The following C18orf63 variants were observed in gnomAD, a reference collection of about 807,000 sequenced individuals.
The protein encoded by C18orf63 is uncharacterized protein C18orf63.
A neutral mutation model predicts 75.3 loss-of-function variants in C18orf63; 50 were observed. The observed-to-expected ratio is 0.66, with a 90% CI of 0.53 to 0.84. The LOEUF is 0.84. Ranked by LOEUF, C18orf63 falls within the 40% of genes least tolerant of loss-of-function variation. The pLI, the probability that C18orf63 is intolerant of heterozygous loss-of-function variation, is 0.00. For synonymous variants in C18orf63, 232 were observed against 267.6 expected (o/e 0.87, Z 1.30); for missense variants, 732 against 800.2 (o/e 0.91, Z 1.03).
In C18orf63 at chr18:74,342,312, A is replaced by G; in HGVS notation, c.780A>G (p.Gly260=). The change falls in exon 10 of 14, where the codon GGA becomes GGG. Residue 260 remains glycine (G), a synonymous_variant. Coordinates refer to ENST00000579455, the MANE Select transcript of C18orf63 (RefSeq NM_001174123.2). Reference sequence around the variant, plus strand: ...GCAACATCTATTTCAAAATGCTCGGAGAAAGGACCTTCACATATCCTTTAC... The same window carrying G: ...GCAACATCTATTTCAAAATGCTCGGGGAAAGGACCTTCACATATCCTTTAC... ...IYCNIYFKML[G]ERTFTYPLSC... 3 of 1,527,690 alleles carry G rather than the reference A, an allele frequency of 2.0e-6. No homozygotes were observed. The highest frequency in any genetic ancestry group is 2.6e-6 in the Non-Finnish European group (3 of 1,140,686). 94.6% of individuals were successfully genotyped at this position (1,527,690 alleles called of 1,614,324 possible).
intron 11 of C18orf63, among the ~76,000 whole-genome samples, 165 bp from the exon 12 acceptor site, chr18:74,353,081 T>A (rs1362872): frequency 0.96 from 146,065 of 152,320 alleles, 70,098 homozygotes; most frequent in African/African-American, 0.99. Context: ...AGAAATGTAC[T>A]CATTTCCACC....
Position 74,342,284 on chromosome 18 carries a change from A to G in C18orf63, c.752A>G (p.Tyr251Cys). Residue 251 changes from tyrosine to cysteine, a missense_variant, in exon 10 of 14, where the codon TAC becomes TGC. Coordinates refer to ENST00000579455, the MANE Select transcript of C18orf63 (RefSeq NM_001174123.2). ...GGTGATTGTGGAAAAATTAAAATAT[A>G]CTGCAACATCTATTTCAAAATGCTC... ...LPGDCGKIKI[Y>C]CNIYFKMLGE... The G allele has an allele frequency of 6.5e-7, 1 of 1,533,574 alleles. No individual in the cohort carries two copies. The highest frequency in any genetic ancestry group is 8.7e-7 in the Non-Finnish European group (1 of 1,145,126). 95.0% of individuals were successfully genotyped at this position (1,533,574 alleles called of 1,614,324 possible).
chr18:74,317,362 C>A (rs1470668007), intron 1 of C18orf63, among the ~76,000 whole-genome samples: 1 of 152,118 alleles, frequency 6.6e-6, no homozygotes, highest in Non-Finnish European at 1.5e-5. Flanking sequence ...AACTAGGTAA[C>A]AATTTAGAGA....
intron 7 of C18orf63, among the ~76,000 whole-genome samples, chr18:74,333,426 A>C (rs1370162337): frequency 2.0e-5 from 3 of 152,296 alleles, no homozygotes; most frequent in African/African-American, 7.2e-5. Context: ...ATAATTTATA[A>C]AGGAAAGAGG....
chr18:74,351,492 G>C (rs1010794154), intron 11 of C18orf63, among the ~76,000 whole-genome samples: 1 of 152,072 alleles, frequency 6.6e-6, no homozygotes, highest in Admixed American at 6.5e-5. Flanking sequence ...CCCAGCACAG[G>C]AAGAGACTGC....
intron 3 of C18orf63, among the ~76,000 whole-genome samples, chr18:74,321,290 C>CCTCCCTCTCTCT (rs1374314705): frequency 1.3e-5 from 2 of 151,848 alleles, no homozygotes; most frequent in African/African-American, 4.8e-5. Flanking sequence ...TCCCTCCCTC[C>CCTCCCTCTCTCT]CTCCCTCTCT....
chr18:74,322,835 A>C, intron 4 of C18orf63, 81 bp downstream of exon 4: 1 of 456,040 alleles, frequency 2.2e-6, no homozygotes. Context: ...ACAAACAAAA[A>C]CTGGAGTATC....
intron 11 of C18orf63, among the ~76,000 whole-genome samples, chr18:74,344,993 A>T (rs182234538): frequency 6.6e-6 from 1 of 152,184 alleles, no homozygotes; most frequent in African/African-American, 2.4e-5. Context: ...ACCAATCTGT[A>T]TTCCCCTCTG....
chr18:74,351,534 C>T (rs149037485), intron 11 of C18orf63, among the ~76,000 whole-genome samples: 1 of 152,310 alleles, frequency 6.6e-6, no homozygotes, highest in East Asian at 1.9e-4. Context: ...GCCAGCATCA[C>T]GCATCACATG....
chr18:74,325,870 A>T lies in C18orf63; in HGVS notation c.271-2077A>T, dbSNP rs866985308. On this transcript the variant is annotated intron_variant, in intron 4 of 13. Coordinates refer to ENST00000579455, the MANE Select transcript of C18orf63 (RefSeq NM_001174123.2). ...TTTAGCTGAAGTGATAACTCACACC[A>T]TCTTTGCACTGCAAGGCATCCAGGT... 3.9e-5 allele frequency among the ~76,000 whole-genome samples: 6 copies of T among 152,224 alleles called. 1 individual carries two copies. The highest frequency in any genetic ancestry group is 2.1e-4 in the South Asian group (1 of 4,832).
intron 10 of C18orf63, among the ~76,000 whole-genome samples, chr18:74,342,931 A>G (rs941010928): frequency 6.6e-6 from 1 of 152,180 alleles, no homozygotes; most frequent in Admixed American, 6.5e-5. Context: ...GGAAGAAGGA[A>G]GAGCCTCAGT....
chr18:74,330,607 AT>A (rs1405094621), intron 6 of C18orf63, among the ~76,000 whole-genome samples: 3 of 151,570 alleles, frequency 2.0e-5, no homozygotes, highest in Admixed American at 6.6e-5. Context: ...GGGGTGTCTC[AT>A]TTTTTTTATT....
At chr18:74,327,616 T>G (rs977564698) in intron 4 of C18orf63, among the ~76,000 whole-genome samples, 3 of 152,202 alleles carry the variant, frequency 2.0e-5, no homozygotes, top group African/African-American at 7.2e-5. Flanking sequence ...AAGTTTGTCC[T>G]TGTTTGGATT....
chr18:74,343,939 A>C (rs1168906577), intron 11 of C18orf63, among the ~76,000 whole-genome samples: 1 of 152,134 alleles, frequency 6.6e-6, no homozygotes, highest in Non-Finnish European at 1.5e-5. Flanking sequence ...TTTCACCTAC[A>C]TCAAGGATAT....
At chr18:74,316,687 C>T (rs917929478) in intron 1 of C18orf63, among the ~76,000 whole-genome samples, 4 of 152,154 alleles carry the variant, frequency 2.6e-5, no homozygotes, top group Admixed American at 6.5e-5. Context: ...TGGAGCGACT[C>T]CCTGGACAGG....
intron 11 of C18orf63, among the ~76,000 whole-genome samples, chr18:74,349,370 G>C (rs1391820538): frequency 6.6e-6 from 1 of 152,172 alleles, no homozygotes; most frequent in African/African-American, 2.4e-5. Flanking sequence ...ATGTGGTGAA[G>C]TGCACTGGTA....
chr18:74,341,327 T>G (rs1433632875), intron 8 of C18orf63, among the ~76,000 whole-genome samples: 1 of 140,370 alleles, frequency 7.1e-6, no homozygotes, highest in Non-Finnish European at 1.5e-5. Context: ...GCAAAAGTAA[T>G]TGCAGTTTTT....
chr18:74,341,746 T>C (rs1252214445), intron 8 of C18orf63, among the ~76,000 whole-genome samples: 4 of 151,518 alleles, frequency 2.6e-5, no homozygotes, highest in African/African-American at 9.7e-5. Flanking sequence ...AAAAAAAAAG[T>C]ATGTGAGTAA....
At chr18:74,335,251 T>C (rs1362176955) in intron 7 of C18orf63, among the ~76,000 whole-genome samples, 1 of 152,140 alleles carries the variant, frequency 6.6e-6, no homozygotes, top group Admixed American at 6.6e-5. Flanking sequence ...TAGGTGACTT[T>C]TGTTTCTAAA....
Sources: gnomAD v4.1 joint callset for allele counts (sites outside exome capture counted in the v4.1 genomes callset) on GRCh38, gnomAD v4.1.1 for gene constraint, MANE v1.5 for transcripts, NCBI Gene and HGNC (gene_info 2026-07-23, HGNC 2026-07-21) for gene names.